Variants in SLC9A9 observed in about 807,000 individuals in gnomAD.
The protein encoded by SLC9A9 is sodium/hydrogen exchanger 9.
SLC9A9 carries 62 observed loss-of-function variants against 77.8 expected under a neutral mutation model. The observed-to-expected ratio is 0.80, with a 90% confidence interval of 0.65 to 0.98. SLC9A9 has a LOEUF of 0.98. Among genes scored for constraint, SLC9A9 ranks in the 50% least tolerant of loss-of-function variants. The pLI is 0.00. For synonymous variants in SLC9A9, 320 were observed against 283.5 expected, an observed-to-expected ratio of 1.13 and a Z score of -1.29; for missense variants, 775 against 774.9, an observed-to-expected ratio of 1.00 and a Z score of 0.00.
At chr3:143,710,342 C>A (rs1436568029) in intron 4 of SLC9A9, among the ~76,000 whole-genome samples, 4 of 152,194 alleles carry the variant, frequency 2.6e-5, no homozygotes, top group African/African-American at 9.7e-5. Context: ...CATGATTTTT[C>A]ACCTTAAAAC....
chr3:143,678,329 T>A (rs1446169995), intron 5 of SLC9A9, among the ~76,000 whole-genome samples: 1 of 152,212 alleles, frequency 6.6e-6, no homozygotes, highest in South Asian at 2.1e-4. Flanking sequence ...TATATCTATA[T>A]TTATGGATTC....
chr3:143,347,488 TG>T (rs1039996772), intron 14 of SLC9A9, among the ~76,000 whole-genome samples: 15 of 152,316 alleles, frequency 9.8e-5, no homozygotes, highest in African/African-American at 3.4e-4. Flanking sequence ...CAGGCATTTT[TG>T]GCTAAACCAG....
At chr3:143,666,064 A>G (rs189072638) in intron 5 of SLC9A9, among the ~76,000 whole-genome samples, 1 of 152,302 alleles carries the variant, frequency 6.6e-6, no homozygotes, top group Non-Finnish European at 1.5e-5. Context: ...TCCCTGATGA[A>G]CATTGATGCA....
chr3:143,268,123 C>T (rs572234240), intron 15 of SLC9A9, among the ~76,000 whole-genome samples: 1 of 152,334 alleles, frequency 6.6e-6, no homozygotes, highest in South Asian at 2.1e-4. Flanking sequence ...GTGTACAGGG[C>T]TAGCCAGCTG....
Position 143,501,652 on chromosome 3 carries a change from A to T in SLC9A9, c.1090-6204T>A, listed in dbSNP as rs191258634. ...CAATATGATAGAATCACTTATTTTC[A>T]ATTGTAGATGGTTGTTGGCATTTTA... On this transcript the variant is annotated intron_variant, in intron 9 of 15. Transcript: ENST00000316549. Among the ~76,000 whole-genome samples, 39 of 151,076 alleles carry T rather than the reference A, an allele frequency of 2.6e-4. 1 individual carries two copies. The highest frequency in any genetic ancestry group is 2.9e-5 in the Non-Finnish European group (2 of 68,016).
In SLC9A9 at chr3:143,328,913, C is replaced by T. The variant is rs147104570; in HGVS notation, c.1604+34571G>A. The stretch of plus-strand genomic sequence containing the variant: ...TTTGTGATGTTGCATATTCTGCTGT[C>T]AGTTTTGCTTGACCACATCTGACCC... On this transcript the variant is annotated intron_variant, in intron 14 of 15. Transcript: ENST00000316549. Among the ~76,000 whole-genome samples the T allele has an allele frequency of 1.6e-3, 251 of 152,298 alleles. 3 individuals are homozygous for T. The highest frequency in any genetic ancestry group is 5.5e-3 in the African/African-American group (229 of 41,564).
intron 1 of SLC9A9, among the ~76,000 whole-genome samples, chr3:143,845,748 T>C (rs2009817884): frequency 6.6e-6 from 1 of 152,242 alleles, no homozygotes; most frequent in Admixed American, 6.5e-5. Flanking sequence ...CACTAAAATA[T>C]GTCTTTTCAT....
intron 2 of SLC9A9, among the ~76,000 whole-genome samples, chr3:143,821,907 G>T (rs920735866): frequency 2.0e-5 from 3 of 152,148 alleles, no homozygotes; most frequent in Non-Finnish European, 4.4e-5. Flanking sequence ...CTATGCGGGG[G>T]TCAGTGTGCC....
At chr3:143,428,077 C>T (rs2034437888) in intron 12 of SLC9A9, among the ~76,000 whole-genome samples, 1 of 152,106 alleles carries the variant, frequency 6.6e-6, no homozygotes, top group Non-Finnish European at 1.5e-5. Flanking sequence ...TAAAATTAGA[C>T]AAATAGGATT....
chr3:143,493,139 A>C (rs2035777667), intron 11 of SLC9A9, among the ~76,000 whole-genome samples: 1 of 152,180 alleles, frequency 6.6e-6, no homozygotes, highest in Non-Finnish European at 1.5e-5. Context: ...GTGAGTGCTC[A>C]ATTAATATTC....
At chr3:143,795,227 T>C in intron 3 of SLC9A9, 150 bp from the exon 4 acceptor site, 2 of 548,506 alleles carry the variant, frequency 3.6e-6, no homozygotes, top group South Asian at 1.8e-5. Flanking sequence ...ATTGTGCTAA[T>C]AGGGACTTAA....
intron 1 of SLC9A9, among the ~76,000 whole-genome samples, chr3:143,845,087 C>A (rs1016835504): frequency 1.3e-5 from 2 of 152,020 alleles, no homozygotes; most frequent in African/African-American, 4.8e-5. Flanking sequence ...CACATCCTTT[C>A]TCCAGGAAAA....
At chr3:143,821,217 G>A (rs2011026) in intron 2 of SLC9A9, among the ~76,000 whole-genome samples, 42,139 of 152,118 alleles carry the variant, frequency 0.28, 5,822 homozygotes, top group South Asian at 0.39. Flanking sequence ...TCCATCACAC[G>A]CTCCTCAGAC....
At chr3:143,464,651 G>A (rs731314) in intron 12 of SLC9A9, among the ~76,000 whole-genome samples, 25,685 of 151,976 alleles carry the variant, frequency 0.17, 3,527 homozygotes, top group African/African-American at 0.38. Flanking sequence ...CTAAACCAGC[G>A]ATTCTCAAAA....
At chr3:143,754,019 C>CA (rs2006840977) in intron 4 of SLC9A9, among the ~76,000 whole-genome samples, 1 of 152,070 alleles carries the variant, frequency 6.6e-6, no homozygotes, top group Non-Finnish European at 1.5e-5. Context: ...CTTTCTCCTT[C>CA]TAGAAGCCAG....
At chr3:143,470,685 C>T (rs993977283) in intron 11 of SLC9A9, among the ~76,000 whole-genome samples, 5 of 151,826 alleles carry the variant, frequency 3.3e-5, no homozygotes, top group Non-Finnish European at 5.9e-5. Context: ...GTGACAAAGA[C>T]GAGAAACTAG....
At chr3:143,426,176 G>A (rs896155985) in intron 12 of SLC9A9, among the ~76,000 whole-genome samples, 1 of 152,128 alleles carries the variant, frequency 6.6e-6, no homozygotes, top group African/African-American at 2.4e-5. Flanking sequence ...CAGATGTACG[G>A]ACTGGCAAAT....
intron 3 of SLC9A9, among the ~76,000 whole-genome samples, chr3:143,795,286 A>G (rs1268919515): frequency 6.8e-6 from 1 of 146,536 alleles, no homozygotes; most frequent in African/African-American, 2.5e-5. Context: ...AAGCAGAAAA[A>G]AAAAAAAAAA....
intron 4 of SLC9A9, among the ~76,000 whole-genome samples, chr3:143,723,843 A>T (rs921315308): frequency 1.3e-5 from 2 of 152,184 alleles, no homozygotes; most frequent in Non-Finnish European, 2.9e-5. Flanking sequence ...GCAGAATCCC[A>T]GGTCAGAGTA....
Sources: allele counts gnomAD v4.1 joint callset (sites outside exome capture counted in the v4.1 genomes callset), GRCh38; gene constraint gnomAD v4.1.1; transcripts MANE v1.5; gene names NCBI Gene and HGNC (gene_info 2026-07-23, HGNC 2026-07-21).